The following RIMS2 variants were observed in gnomAD, a reference collection of about 807,000 sequenced individuals.
The protein encoded by RIMS2 is regulating synaptic membrane exocytosis 2.
A neutral mutation model predicts 174.4 loss-of-function variants in RIMS2; 59 were observed. The observed-to-expected ratio is 0.34, with a 90% CI of 0.27 to 0.42. The LOEUF (loss-of-function observed/expected upper bound fraction) is 0.42. RIMS2 is among the 10% of genes least tolerant of loss of function. RIMS2 has a pLI of 1.00. For synonymous variants in RIMS2, 606 were observed against 572.5 expected (o/e 1.06, Z -0.84); for missense variants, 1,620 against 1,666.3 (o/e 0.97, Z 0.48).
At chr8:103,894,421 A>G (rs1378031729) in intron 4 of RIMS2, among the ~76,000 whole-genome samples, 3 of 151,650 alleles carry the variant, frequency 2.0e-5, no homozygotes, top group African/African-American at 7.3e-5. Context: ...AGGACCTTCA[A>G]CTAGAAATGA....
chr8:104,068,377 G>T, intron 19 of RIMS2, 135 bp from the exon 23 acceptor site: 1 of 414,618 alleles, frequency 2.4e-6, no homozygotes, highest in South Asian at 9.1e-5. Flanking sequence ...AAAATAATAT[G>T]ACATTTAATT....
chr8:103,856,646 A>G (rs1354167488), intron 3 of RIMS2, among the ~76,000 whole-genome samples: 2 of 152,208 alleles, frequency 1.3e-5, no homozygotes, highest in Non-Finnish European at 2.9e-5. Flanking sequence ...GAAAGCATTC[A>G]TTTGTTAAAC....
chr8:104,100,425 C>G (rs998494678), intron 19 of RIMS2, among the ~76,000 whole-genome samples: 1 of 151,946 alleles, frequency 6.6e-6, no homozygotes, highest in Non-Finnish European at 1.5e-5. Flanking sequence ...CAATCTGAAT[C>G]CCTTTTATTT....
intron 1 of RIMS2, among the ~76,000 whole-genome samples, chr8:103,618,608 A>G (rs754277307): frequency 5.9e-5 from 9 of 152,226 alleles, no homozygotes; most frequent in East Asian, 1.9e-4. Flanking sequence ...ACTTTTGTCT[A>G]TCCATCCCAT....
intron 19 of RIMS2, among the ~76,000 whole-genome samples, chr8:104,231,288 AG>A (rs2099226978): frequency 6.6e-6 from 1 of 152,112 alleles, no homozygotes; most frequent in Non-Finnish European, 1.5e-5. Flanking sequence ...AAACTTCAGT[AG>A]ATTTACATCT....
At chr8:103,764,486 A>T (rs777842376) in intron 2 of RIMS2, among the ~76,000 whole-genome samples, 1 of 152,212 alleles carries the variant, frequency 6.6e-6, no homozygotes, top group Non-Finnish European at 1.5e-5. Context: ...TTGTCACAAG[A>T]TGGCATCAAA....
At position 104,223,627 on chromosome 8, in the gene RIMS2, C is replaced by T. The variant is rs576355717; in HGVS notation, c.3335-21289C>T. 3.2e-6 allele frequency: 5 copies of T among 1,581,770 alleles called. No individual in the cohort carries two copies. In the East Asian group the frequency reaches 6.8e-5, roughly 22 times the overall value. On this transcript the variant is annotated intron_variant, in intron 19 of 23. Transcript: ENST00000504942. ...CCAAGACGCCGCGTATCTTGTACCG[C>T]GGGAAAAGCGGGTCCTCGTCCAAGA...
chr8:103,998,431 A>AT, intron 17 of RIMS2, among the ~76,000 whole-genome samples: 1 of 151,994 alleles, frequency 6.6e-6, no homozygotes, highest in Non-Finnish European at 1.5e-5. Context: ...GTAGTAGGAC[A>AT]TAAAAAATAC....
chr8:104,207,739 G>A (rs2099087050), intron 19 of RIMS2, among the ~76,000 whole-genome samples: 1 of 151,836 alleles, frequency 6.6e-6, no homozygotes, highest in Non-Finnish European at 1.5e-5. Flanking sequence ...CTTGAACTCA[G>A]GAGGCAGAGA....
intron 19 of RIMS2, among the ~76,000 whole-genome samples, chr8:104,195,578 G>A (rs180804302): frequency 6.1e-5 from 9 of 147,774 alleles, no homozygotes; most frequent in East Asian, 4.0e-4. Context: ...GCAATGGCAC[G>A]ATCTCGACTC....
intron 19 of RIMS2, among the ~76,000 whole-genome samples, chr8:104,031,386 A>G (rs2096390070): frequency 6.6e-6 from 1 of 152,084 alleles, no homozygotes; most frequent in South Asian, 2.1e-4. Flanking sequence ...ACCTTGTCAA[A>G]CCATTTTAAT....
At chr8:104,044,930 G>A (rs1161014653) in intron 19 of RIMS2, among the ~76,000 whole-genome samples, 1 of 151,768 alleles carries the variant, frequency 6.6e-6, no homozygotes, top group Non-Finnish European at 1.5e-5. Context: ...AGAGAAAAAG[G>A]AAATTATTTT....
chr8:103,605,979 G>GT (rs1330618353), intron 1 of RIMS2, among the ~76,000 whole-genome samples: 1 of 145,868 alleles, frequency 6.9e-6, no homozygotes, highest in South Asian at 2.1e-4. Context: ...TTTTTGAAGG[G>GT]TTTTTTGTGT....
intron 13 of RIMS2, among the ~76,000 whole-genome samples, chr8:103,939,082 G>A (rs1396093840): frequency 6.6e-6 from 1 of 152,148 alleles, no homozygotes; most frequent in Admixed American, 6.5e-5. Context: ...GGGGTCTGGA[G>A]GTTGGTGGCC....
At chr8:103,537,775 C>G (rs1840522548) in intron 1 of RIMS2, among the ~76,000 whole-genome samples, 1 of 151,956 alleles carries the variant, frequency 6.6e-6, no homozygotes, top group Non-Finnish European at 1.5e-5. Flanking sequence ...TGATTATAGT[C>G]TTTGCCATGG....
At chr8:103,566,914 A>G (rs1207738630) in intron 1 of RIMS2, among the ~76,000 whole-genome samples, 1 of 152,192 alleles carries the variant, frequency 6.6e-6, no homozygotes. Context: ...CGGTGCAACT[A>G]TAACCATAGT....
chr8:104,219,507 C>T (rs1284408931), intron 19 of RIMS2, among the ~76,000 whole-genome samples: 1 of 152,164 alleles, frequency 6.6e-6, no homozygotes, highest in Non-Finnish European at 1.5e-5. Flanking sequence ...GTTTTATAAA[C>T]TCTAAAGTAC....
intron 14 of RIMS2, among the ~76,000 whole-genome samples, chr8:103,955,822 C>A (rs1396096982): frequency 6.6e-6 from 1 of 152,130 alleles, no homozygotes; most frequent in Non-Finnish European, 1.5e-5. Flanking sequence ...TCTCTGTTTG[C>A]AGATGACATG....
At chr8:103,836,538 C>T (rs1026229606) in intron 3 of RIMS2, among the ~76,000 whole-genome samples, 23 of 152,266 alleles carry the variant, frequency 1.5e-4, no homozygotes, top group African/African-American at 4.8e-4. Context: ...TGCACTTTAG[C>T]TTGAGTGGCA....
Sources: allele counts gnomAD v4.1 joint callset (sites outside exome capture counted in the v4.1 genomes callset), GRCh38; gene constraint gnomAD v4.1.1; transcripts MANE v1.5; gene names NCBI Gene and HGNC (gene_info 2026-07-23, HGNC 2026-07-21).